SDK2: variants seen among roughly 807,000 people sequenced by gnomAD.
The protein encoded by SDK2 is protein sidekick-2.
Under a neutral mutation model 253.9 loss-of-function variants are expected in SDK2, and 105 were observed. The observed-to-expected ratio is 0.41, with a 90% CI of 0.35 to 0.49. The LOEUF (loss-of-function observed/expected upper bound fraction) is 0.49. Ranked by LOEUF, SDK2 falls within the 20% of genes least tolerant of loss-of-function variation. SDK2 has a pLI of 0.06. For synonymous variants in SDK2, 1,249 were observed against 1,234.9 expected, an observed-to-expected ratio of 1.01 and a Z score of -0.24; for missense variants, 2,608 against 3,003.0, an observed-to-expected ratio of 0.87 and a Z score of 3.07.
rs34448667 is a variant in SDK2, at chr17:73,469,992, GCACA to G, written c.331+2116_331+2119del. On this transcript the variant is annotated intron_variant, in intron 3 of 44. Transcript: ENST00000392650. ...ATGGCATTTGCGACTGCGCGCGCGC[GCACA>G]CACACACACACACACACACACACAC... is the stretch of plus-strand genomic sequence containing the variant. Among the ~76,000 whole-genome samples, 524 of 126,224 alleles carry G rather than the reference GCACA, an allele frequency of 4.2e-3. 4 individuals are homozygous for G. Among genetic ancestry groups the G allele is most frequent in the African/African-American group, 1.0e-2 (323 of 32,304 alleles). The allele number at this position is 126,224 out of a possible 152,430, so 82.8% of individuals were successfully genotyped here.
intron 1 of SDK2, among the ~76,000 whole-genome samples, chr17:73,636,817 A>AG (rs566040965): frequency 4.0e-4 from 61 of 152,146 alleles, no homozygotes; most frequent in Admixed American, 1.4e-3. Flanking sequence ...GGCCATTTGG[A>AG]GGGGCAAGCA....
At chr17:73,621,281 T>C (rs939268232) in intron 1 of SDK2, among the ~76,000 whole-genome samples, 7 of 152,222 alleles carry the variant, frequency 4.6e-5, no homozygotes, top group African/African-American at 1.7e-4. Flanking sequence ...GAGTTTGCAG[T>C]TTGAATCAAT....
At chr17:73,362,511 CCTTCCAAGTAGCTAAGA>C (rs1045993863) in intron 38 of SDK2, among the ~76,000 whole-genome samples, 3 of 152,022 alleles carry the variant, frequency 2.0e-5, no homozygotes, top group Non-Finnish European at 1.5e-5. Context: ...CCACTTTCAG[CCTTCCAAGTAGCTAAGA>C]CTGTAGGTGT....
chr17:73,578,680 G>C (rs561819278), intron 1 of SDK2, among the ~76,000 whole-genome samples: 2 of 152,312 alleles, frequency 1.3e-5, no homozygotes, highest in South Asian at 2.1e-4. Flanking sequence ...GGACACTCAG[G>C]TCAAAGGGTC....
intron 33 of SDK2, among the ~76,000 whole-genome samples, chr17:73,381,815 G>A (rs746611810): frequency 4.5e-4 from 68 of 152,226 alleles, no homozygotes; most frequent in African/African-American, 1.5e-3. Flanking sequence ...TGGGGCAGGA[G>A]AATCGCTTGA....
intron 2 of SDK2, among the ~76,000 whole-genome samples, chr17:73,478,586 A>G (rs563474649): frequency 7.2e-5 from 11 of 152,310 alleles, no homozygotes; most frequent in African/African-American, 2.2e-4. Flanking sequence ...GCAAGACAAC[A>G]GTGGGAGGAA....
At chr17:73,355,439 C>T (rs1186011530) in intron 40 of SDK2, among the ~76,000 whole-genome samples, 3 of 151,554 alleles carry the variant, frequency 2.0e-5, no homozygotes, top group Non-Finnish European at 2.9e-5. Flanking sequence ...CTCCGGCTTC[C>T]GGGTTCTCCT....
intron 44 of SDK2, among the ~76,000 whole-genome samples, chr17:73,340,857 C>A (rs1191312194): frequency 6.8e-6 from 1 of 148,014 alleles, no homozygotes; most frequent in Non-Finnish European, 1.5e-5. Flanking sequence ...GATTCTCCTG[C>A]CTCAGCCTCC....
chr17:73,358,725 G>T (rs1257929512), intron 39 of SDK2, among the ~76,000 whole-genome samples: 1 of 152,068 alleles, frequency 6.6e-6, no homozygotes, highest in Admixed American at 6.6e-5. Flanking sequence ...TATGATGTCC[G>T]CCCTCCCTCA....
chr17:73,375,493 C>T (rs2062770418), intron 36 of SDK2, among the ~76,000 whole-genome samples: 1 of 152,114 alleles, frequency 6.6e-6, no homozygotes, highest in African/African-American at 2.4e-5. Flanking sequence ...GCAATCCACC[C>T]ACCTCGGCCT....
At chr17:73,569,920 G>A (rs1282719100) in intron 1 of SDK2, among the ~76,000 whole-genome samples, 2 of 152,136 alleles carry the variant, frequency 1.3e-5, no homozygotes, top group South Asian at 2.1e-4. Flanking sequence ...GAAGATATGG[G>A]GGTGATAAAA....
In SDK2 at chr17:73,399,242, G is replaced by C. The variant is rs773917581; in HGVS notation, c.3019C>G (p.Arg1007Gly). ...GGCCTGAACTGCAAGGTCACAGAGC[G>C]GGGGCCGATGTTGGAAATGCCCAGG... Reference protein sequence around the residue: ...TNLGISNIGPRSVTLQFRPGY... With the variant: ...TNLGISNIGPGSVTLQFRPGY... Residue 1007 changes from arginine (R) to glycine (G), a missense_variant, in exon 22 of 45, where the codon CGC (arginine) becomes GGC (glycine). By Grantham distance (125) the Arg-to-Gly change is moderately radical. Around this residue, in one of 2 missense-constraint regions of SDK2, gnomAD observed 1,505 missense variants for 1,859.1 expected, o/e 0.81. Coordinates refer to ENST00000392650, the MANE Select transcript of SDK2 (RefSeq NM_001144952.2). The C allele has an allele frequency of 6.2e-7, 1 of 1,613,834 alleles. No individual in the cohort carries two copies. The highest frequency in any genetic ancestry group is 8.5e-7 in the Non-Finnish European group (1 of 1,179,752).
intron 36 of SDK2, chr17:73,369,146 G>A (rs2062713107): frequency 2.1e-6 from 1 of 470,996 alleles, no homozygotes; most frequent in South Asian, 1.5e-5. Context: ...TTCCCGCCAT[G>A]CCTGGAGGAT....
At chr17:73,394,519 C>T (rs371232124) in intron 25 of SDK2, among the ~76,000 whole-genome samples, 195 bp from the exon 26 acceptor site, 3 of 152,192 alleles carry the variant, frequency 2.0e-5, no homozygotes, top group Admixed American at 6.5e-5. Flanking sequence ...GCTGCAGATG[C>T]CGTTTCCGGT....
At chr17:73,519,546 C>T (rs2064058943) in intron 1 of SDK2, 1 of 149,768 alleles carries the variant, frequency 6.7e-6, no homozygotes, top group African/African-American at 2.5e-5. Flanking sequence ...TGTTAAAGGC[C>T]TACTCCACAC....
At chr17:73,637,783 C>T (rs2046351053) in intron 1 of SDK2, among the ~76,000 whole-genome samples, 1 of 152,182 alleles carries the variant, frequency 6.6e-6, no homozygotes, top group Non-Finnish European at 1.5e-5. Context: ...GGCATTACCC[C>T]CTAAACCTTC....
chr17:73,522,769 G>C (rs1420850344), intron 1 of SDK2, among the ~76,000 whole-genome samples: 1 of 152,236 alleles, frequency 6.6e-6, no homozygotes, highest in Non-Finnish European at 1.5e-5. Context: ...GAAGAGGAGA[G>C]AGACAGAAAC....
intron 1 of SDK2, among the ~76,000 whole-genome samples, chr17:73,602,891 A>C (rs1224267999): frequency 1.3e-5 from 2 of 152,012 alleles, no homozygotes; most frequent in Non-Finnish European, 2.9e-5. Context: ...ACGCCTGGCT[A>C]ATTTTTGTAT....
intron 39 of SDK2, among the ~76,000 whole-genome samples, chr17:73,359,692 C>T (rs1015473862): frequency 5.9e-5 from 9 of 152,186 alleles, no homozygotes; most frequent in African/African-American, 1.7e-4. Flanking sequence ...GTTGCCCAGG[C>T]GGGAGTGCAG....
Sources: gnomAD v4.1 joint callset for allele counts (sites outside exome capture counted in the v4.1 genomes callset) on GRCh38, gnomAD v4.1.1 for gene constraint, gnomAD v4.1.1 regional missense constraint, MANE v1.5 for transcripts, NCBI Gene and HGNC (gene_info 2026-07-23, HGNC 2026-07-21) for gene names.